ARHGAP26: variants seen among roughly 807,000 people sequenced by gnomAD.
ARHGAP26 encodes the protein rho GTPase-activating protein 26.
Under a neutral mutation model 104.8 loss-of-function variants are expected in ARHGAP26, and 38 were observed. The observed-to-expected ratio is 0.36, with a 90% CI of 0.28 to 0.48. The LOEUF (loss-of-function observed/expected upper bound fraction) is 0.48. Among genes scored for constraint, ARHGAP26 ranks in the 20% least tolerant of loss-of-function variants. The pLI, the probability that ARHGAP26 is intolerant of heterozygous loss-of-function variation, is 0.99. For synonymous variants in ARHGAP26, 341 were observed against 340.0 expected (o/e 1.00, Z -0.03); for missense variants, 704 against 947.9 (o/e 0.74, Z 3.38).
chr5:143,051,287 C>T (rs557076938), intron 14 of ARHGAP26, among the ~76,000 whole-genome samples: 48 of 152,284 alleles, frequency 3.2e-4, no homozygotes, highest in African/African-American at 1.1e-3. Context: ...AGACGTTCTC[C>T]GCTTATAACC....
In ARHGAP26 at chr5:143,031,209, G is replaced by A. The variant is rs569567545; in HGVS notation, c.1145-5987G>A. On this transcript the variant is annotated intron_variant, in intron 12 of 22. Transcript: ENST00000645722. ...TGAAGAAGCTGGAGGGCCAGGCAGG[G>A]CCCCGTCACACACAGCTTTGTGAGC... Among the ~76,000 whole-genome samples, 9 of 152,362 alleles carry A rather than the reference G, an allele frequency of 5.9e-5. No homozygotes were observed. In the East Asian group the frequency reaches 1.7e-3, roughly 29 times the overall value.
chr5:142,900,748 A>G (rs1562044146), intron 6 of ARHGAP26, among the ~76,000 whole-genome samples: 2 of 152,154 alleles, frequency 1.3e-5, no homozygotes, highest in Non-Finnish European at 2.9e-5. Context: ...ATAATAAGTA[A>G]TGTTTAACAG....
chr5:142,915,217 G>A (rs1164859740), intron 10 of ARHGAP26, among the ~76,000 whole-genome samples: 1 of 152,096 alleles, frequency 6.6e-6, no homozygotes, highest in Non-Finnish European at 1.5e-5. Flanking sequence ...CCAATCATAA[G>A]CAAAGAGCGA....
chr5:143,070,953 C>T (rs140821394), intron 17 of ARHGAP26, among the ~76,000 whole-genome samples: 321 of 152,070 alleles, frequency 2.1e-3, no homozygotes, highest in Middle Eastern at 0.01. Flanking sequence ...TCTTCACAAA[C>T]ATAGAAATAA....
chr5:142,900,069 C>T (rs780551261), intron 6 of ARHGAP26, among the ~76,000 whole-genome samples: 42 of 152,248 alleles, frequency 2.8e-4, no homozygotes, highest in Middle Eastern at 6.8e-3. Flanking sequence ...CTTGGAAAGG[C>T]GATGGGGCAG....
At chr5:143,111,199 A>G (rs375472194) in intron 17 of ARHGAP26, among the ~76,000 whole-genome samples, 1 of 152,212 alleles carries the variant, frequency 6.6e-6, no homozygotes, top group African/African-American at 2.4e-5. Flanking sequence ...TCCTTGTAAA[A>G]ATAATCAGGT....
chr5:143,079,558 A>G (rs1298066899), intron 17 of ARHGAP26, among the ~76,000 whole-genome samples: 1 of 152,216 alleles, frequency 6.6e-6, no homozygotes, highest in Non-Finnish European at 1.5e-5. Context: ...ACACGGGACA[A>G]CCAGCCTGGT....
At chr5:143,059,486 T>A (rs1786371405) in intron 17 of ARHGAP26, among the ~76,000 whole-genome samples, 1 of 152,230 alleles carries the variant, frequency 6.6e-6, no homozygotes, top group African/African-American at 2.4e-5. Context: ...AACCAAACCC[T>A]TAAGGTAGAT....
At chr5:143,091,184 G>A (rs547185368) in intron 17 of ARHGAP26, among the ~76,000 whole-genome samples, 62 of 152,294 alleles carry the variant, frequency 4.1e-4, no homozygotes, top group Non-Finnish European at 7.1e-4. Context: ...CTTGACTCGG[G>A]TGTGATGAGT....
chr5:142,870,205 T>G (rs952725828), intron 1 of ARHGAP26, among the ~76,000 whole-genome samples: 1 of 152,182 alleles, frequency 6.6e-6, no homozygotes, highest in Non-Finnish European at 1.5e-5. Flanking sequence ...GCCTCTTCTC[T>G]TTTCTCTCTC....
intron 1 of ARHGAP26, among the ~76,000 whole-genome samples, chr5:142,775,256 C>T (rs1756074819): frequency 6.6e-6 from 1 of 152,118 alleles, no homozygotes; most frequent in South Asian, 2.1e-4. Context: ...CTACATTCTG[C>T]TCAGCACTTG....
chr5:143,199,193 G>T (rs1562596145), intron 20 of ARHGAP26, among the ~76,000 whole-genome samples: 1 of 152,160 alleles, frequency 6.6e-6, no homozygotes, highest in South Asian at 2.1e-4. Context: ...TAGTAGAAAA[G>T]AACACGAAAC....
chr5:142,933,156 T>C (rs983403681), intron 11 of ARHGAP26, among the ~76,000 whole-genome samples: 7 of 152,212 alleles, frequency 4.6e-5, no homozygotes, highest in African/African-American at 1.7e-4. Context: ...CAGATACACA[T>C]TTCTACCTTT....
At chr5:143,156,170 G>A (rs185044864) in intron 20 of ARHGAP26, among the ~76,000 whole-genome samples, 224 of 152,300 alleles carry the variant, frequency 1.5e-3, no homozygotes, top group African/African-American at 5.0e-3. Context: ...GATCTTATTC[G>A]TAGATTCAGA....
rs1317443801 is a variant in ARHGAP26 at position 142,937,775 on chromosome 5, A to G, written c.1107+5650A>G. Among the ~76,000 whole-genome samples the G allele has an allele frequency of 2.0e-5, 3 of 149,692 alleles. No individual in the cohort carries two copies. In the Admixed American group the frequency reaches 2.0e-4, roughly 10 times the overall value. On this transcript the variant is annotated intron_variant, in intron 11 of 22. Coordinates refer to ENST00000645722, the MANE Select transcript of ARHGAP26 (RefSeq NM_001135608.3). ...CATCTTAGGAGCATTATGCTAAATG[A>G]AAAAGGCCAGTCTCAAAAAAAAATA...
chr5:142,930,805 A>C (rs556879291), intron 10 of ARHGAP26, among the ~76,000 whole-genome samples: 1 of 152,188 alleles, frequency 6.6e-6, no homozygotes, highest in Non-Finnish European at 1.5e-5. Context: ...AATGAAAAGA[A>C]TCAAATGTGA....
intron 4 of ARHGAP26, among the ~76,000 whole-genome samples, chr5:142,883,553 T>C (rs1757297780): frequency 6.6e-6 from 1 of 152,266 alleles, no homozygotes; most frequent in African/African-American, 2.4e-5. Context: ...CTGCCCACTC[T>C]GTGAGCATGT....
intron 20 of ARHGAP26, among the ~76,000 whole-genome samples, chr5:143,160,757 G>A (rs2151062261): frequency 6.6e-6 from 1 of 152,278 alleles, no homozygotes; most frequent in South Asian, 2.1e-4. Flanking sequence ...GGGATTACAG[G>A]TGTGAGTCAT....
rs563769509 is a variant in ARHGAP26, at chr5:142,917,088, G to A, written c.1028+3795G>A. On this transcript the variant is annotated intron_variant, in intron 10 of 22. Transcript: ENST00000645722. ...GGAGTCTTGCTCTGTTGCCCAGGCC[G>A]GAGTGCAGTGGCACGATCTCAGCTC... Among the ~76,000 whole-genome samples, 55 of 151,254 alleles carry A rather than the reference G, an allele frequency of 3.6e-4. 1 individual carries two copies. Among genetic ancestry groups the A allele is most frequent in the African/African-American group, 1.9e-4 (8 of 41,142 alleles).
Sources: allele counts gnomAD v4.1 joint callset (sites outside exome capture counted in the v4.1 genomes callset), GRCh38; gene constraint gnomAD v4.1.1; transcripts MANE v1.5; gene names NCBI Gene and HGNC (gene_info 2026-07-23, HGNC 2026-07-21).